Variants in SDK2 observed in about 807,000 individuals in gnomAD.
SDK2 encodes protein sidekick-2.
SDK2 carries 105 observed loss-of-function variants against 253.9 expected under a neutral mutation model. That is an observed-to-expected ratio of 0.41 (90% CI 0.35 to 0.49). The LOEUF (loss-of-function observed/expected upper bound fraction) is 0.49. SDK2 is among the 20% of genes least tolerant of loss of function. The probability of loss-of-function intolerance (pLI) is 0.06; values close to 1 mark genes in which losing one functional copy is unlikely to be tolerated. For synonymous variants in SDK2, 1,249 were observed against 1,234.9 expected (o/e 1.01, Z -0.24); for missense variants, 2,608 against 3,003.0 (o/e 0.87, Z 3.07).
At chr17:73,550,947 C>T (rs1207657350) in intron 1 of SDK2, among the ~76,000 whole-genome samples, 2 of 152,274 alleles carry the variant, frequency 1.3e-5, no homozygotes, top group East Asian at 3.9e-4. Context: ...GGGAGAGACC[C>T]CAGCTTCTCT....
At chr17:73,483,679 ATATTTATATATATATATATATATATATAT>A (rs1170807442) in intron 2 of SDK2, among the ~76,000 whole-genome samples, 5 of 52,918 alleles carry the variant, frequency 9.4e-5, no homozygotes, top group Non-Finnish European at 1.4e-4. Flanking sequence ...ATATATATAT[ATATTTATATATATATATATATATATATAT>A]TTTTTTTTTT....
At chr17:73,528,823 G>C (rs946245488) in intron 1 of SDK2, among the ~76,000 whole-genome samples, 48 of 152,154 alleles carry the variant, frequency 3.2e-4, no homozygotes, top group African/African-American at 1.1e-3. Context: ...GCGTCCCCTG[G>C]CCATCCCCAG....
chr17:73,480,531 C>T (rs1426038027), intron 2 of SDK2, among the ~76,000 whole-genome samples: 1 of 152,166 alleles, frequency 6.6e-6, no homozygotes, highest in Non-Finnish European at 1.5e-5. Context: ...TTGAGGCAAA[C>T]AGAGCTCACC....
At chr17:73,517,165 T>A (rs561068100) in intron 1 of SDK2, 1 of 152,300 alleles carries the variant, frequency 6.6e-6, no homozygotes, top group Admixed American at 6.5e-5. Flanking sequence ...GGGAAATATG[T>A]GGCAAATGAA....
At chr17:73,500,126 A>G (rs1225198863) in intron 2 of SDK2, among the ~76,000 whole-genome samples, 2 of 138,522 alleles carry the variant, frequency 1.4e-5, no homozygotes, top group Non-Finnish European at 3.1e-5. Flanking sequence ...ATTCTCCTCC[A>G]TCCTCCATCC....
rs139541682 is a variant in SDK2 at position 73,542,687 on chromosome 17, T to C, written c.65-35090A>G. On this transcript the variant is annotated intron_variant, in intron 1 of 44. Coordinates refer to ENST00000392650, the MANE Select transcript of SDK2 (RefSeq NM_001144952.2). ...AGGGCCAGCCACGGAGAGGCAGTAG[T>C]GGAGGGGTCTTGGGATTCGGGGCCT... Among the ~76,000 whole-genome samples the C allele has an allele frequency of 3.8e-3, 582 of 152,126 alleles. 3 individuals are homozygous for C. Among genetic ancestry groups the C allele is most frequent in the African/African-American group, 0.013 (555 of 41,504 alleles).
chr17:73,341,608 T>A (rs1235622204), intron 44 of SDK2, among the ~76,000 whole-genome samples: 1 of 152,116 alleles, frequency 6.6e-6, no homozygotes, highest in African/African-American at 2.4e-5. Context: ...GTTAGCCCAA[T>A]CCAGACAAGT....
intron 6 of SDK2, among the ~76,000 whole-genome samples, chr17:73,439,709 G>A (rs931233984): frequency 6.6e-6 from 1 of 152,190 alleles, no homozygotes; most frequent in Non-Finnish European, 1.5e-5. Flanking sequence ...GGGTCAGCGC[G>A]CTGCCTATGC....
intron 12 of SDK2, 108 bp downstream of exon 12, chr17:73,430,403 C>T (rs1034071998): frequency 2.0e-5 from 16 of 792,170 alleles, no homozygotes; most frequent in South Asian, 1.9e-4. Flanking sequence ...CAGGAGAAGG[C>T]GTGGCTCTGC....
At chr17:73,529,532 C>T (rs1393353406) in intron 1 of SDK2, among the ~76,000 whole-genome samples, 1 of 152,096 alleles carries the variant, frequency 6.6e-6, no homozygotes, top group Non-Finnish European at 1.5e-5. Flanking sequence ...CAGAATGGGA[C>T]CTTAATTTGG....
In SDK2 at chr17:73,534,422, T is replaced by C. The variant is rs1395639038; in HGVS notation, c.65-26825A>G. Among the ~76,000 whole-genome samples the C allele has an allele frequency of 6.6e-6, 1 of 151,972 alleles. No individual in the cohort carries two copies. Among genetic ancestry groups the C allele is most frequent in the East Asian group, 1.9e-4 (1 of 5,178 alleles). On this transcript the variant is annotated intron_variant, in intron 1 of 44. Transcript: ENST00000392650. The surrounding 1 kb of genome is among the most constrained non-coding windows in gnomAD (Gnocchi z 4.9). ...GACAGAGGCAGTGCTAAAGAGACGA[T>C]TGCCGACAGATGCCTGACCTCTGAG...
At chr17:73,500,888 C>G (rs1033853006) in intron 2 of SDK2, among the ~76,000 whole-genome samples, 15 of 151,764 alleles carry the variant, frequency 9.9e-5, no homozygotes, top group Admixed American at 8.5e-4. Context: ...CTCCCTCCAT[C>G]TCCTCCATCC....
intron 9 of SDK2, among the ~76,000 whole-genome samples, chr17:73,434,550 C>T (rs966868130): frequency 6.6e-6 from 1 of 152,258 alleles, no homozygotes; most frequent in African/African-American, 2.4e-5. Flanking sequence ...CTCAAGGAGA[C>T]CCCTGAACAT....
In SDK2 at chr17:73,337,779, T is replaced by C. The variant is rs2062392275; in HGVS notation, c.*808A>G. ...CCCAGACTTCACCTTTCCTTGTCCA[T>C]GCTCAGGAAAGTCAATTCCAGCACA... is the stretch of plus-strand genomic sequence containing the variant. On this transcript the variant is annotated 3_prime_UTR_variant, in exon 45 of 45. Coordinates refer to ENST00000392650, the MANE Select transcript of SDK2 (RefSeq NM_001144952.2). 6.6e-6 allele frequency: 1 copy of C among 152,336 alleles called. No individual in the cohort carries two copies. The highest frequency in any genetic ancestry group is 1.5e-5 in the Non-Finnish European group (1 of 68,134). The allele number at this position is 152,336 out of a possible 1,614,324, so 9.4% of individuals were successfully genotyped here.
At chr17:73,343,293 G>A (rs1327579489) in intron 44 of SDK2, among the ~76,000 whole-genome samples, 1 of 152,258 alleles carries the variant, frequency 6.6e-6, no homozygotes, top group East Asian at 1.9e-4. Context: ...GGCCAGGCAG[G>A]CGAGAGTCTG....
At chr17:73,343,294 C>T (rs1429857312) in intron 44 of SDK2, among the ~76,000 whole-genome samples, 2 of 152,230 alleles carry the variant, frequency 1.3e-5, no homozygotes, top group Non-Finnish European at 2.9e-5. Context: ...GCCAGGCAGG[C>T]GAGAGTCTGG....
At chr17:73,494,270 G>A (rs1026771191) in intron 2 of SDK2, among the ~76,000 whole-genome samples, 8 of 152,206 alleles carry the variant, frequency 5.3e-5, no homozygotes, top group Non-Finnish European at 1.2e-4. Flanking sequence ...CCCCCAAGGA[G>A]TCATTTCCAC....
chr17:73,526,804 C>T (rs1228239169), intron 1 of SDK2, among the ~76,000 whole-genome samples: 2 of 152,176 alleles, frequency 1.3e-5, no homozygotes, highest in Non-Finnish European at 2.9e-5. Context: ...CAGTTACGTG[C>T]AGTGTGAGGA....
chr17:73,430,470 C>T (rs2063317356), intron 12 of SDK2, 41 bp downstream of exon 12: 1 of 1,460,516 alleles, frequency 6.8e-7, no homozygotes, highest in South Asian at 1.2e-5. Context: ...GCCAGAGGCT[C>T]CCCCTCCCCT....
Sources: gnomAD v4.1 joint callset for allele counts (sites outside exome capture counted in the v4.1 genomes callset) on GRCh38, gnomAD v4.1.1 for gene constraint, Gnocchi (gnomAD v3.1) non-coding constraint, MANE v1.5 for transcripts, NCBI Gene and HGNC (gene_info 2026-07-23, HGNC 2026-07-21) for gene names.